Variants in AGBL1 observed in about 807,000 individuals in gnomAD.
AGBL1 encodes AGBL carboxypeptidase 1.
A neutral mutation model predicts 118.9 loss-of-function variants in AGBL1; 130 were observed. The ratio of observed to expected loss-of-function variants is 1.09; its 90% confidence interval spans 0.95 to 1.26. The LOEUF is 1.26. Among genes scored for constraint, AGBL1 ranks in the 50% most tolerant of loss-of-function variants. The pLI is 0.00. For synonymous variants in AGBL1, 555 were observed against 478.9 expected (o/e 1.16, Z -2.08); for missense variants, 1,584 against 1,298.1 (o/e 1.22, Z -3.38).
In AGBL1 at chr15:86,308,183, A is replaced by G. The variant is rs142038930; in HGVS notation, c.2374+12775A>G. Reference sequence around the variant, plus strand: ...TGAGTTACTCATTTTTCATTGCTCTATAACGAATTCCTATGTATGAATTTA... The same window carrying G: ...TGAGTTACTCATTTTTCATTGCTCTGTAACGAATTCCTATGTATGAATTTA... On this transcript the variant is annotated intron_variant, in intron 17 of 22. Transcript: ENST00000614907. 5.1e-3 allele frequency among the ~76,000 whole-genome samples: 773 copies of G among 152,328 alleles called. 6 individuals are homozygous for G. The highest frequency in any genetic ancestry group is 0.018 in the African/African-American group (742 of 41,580).
chr15:86,264,097 T>G (rs2079033951), intron 10 of AGBL1, among the ~76,000 whole-genome samples, 161 bp from the exon 11 acceptor site: 1 of 152,180 alleles, frequency 6.6e-6, no homozygotes, highest in South Asian at 2.1e-4. Context: ...CTGTCATTTA[T>G]TTGACTCTTG....
chr15:86,216,253 T>A (rs551321067), intron 5 of AGBL1, among the ~76,000 whole-genome samples: 7 of 152,008 alleles, frequency 4.6e-5, no homozygotes, highest in Non-Finnish European at 8.8e-5. Flanking sequence ...TTTATTTATT[T>A]ATTCATTTAT....
chr15:86,283,617 CA>C (rs2079391383), intron 16 of AGBL1, among the ~76,000 whole-genome samples: 1 of 151,860 alleles, frequency 6.6e-6, no homozygotes, highest in African/African-American at 2.4e-5. Context: ...AAGAAGTGTC[CA>C]GTGGGAAATG....
chr15:86,865,636 T>A (rs527942859), intron 22 of AGBL1, among the ~76,000 whole-genome samples: 1 of 152,332 alleles, frequency 6.6e-6, no homozygotes, highest in South Asian at 2.1e-4. Context: ...GCAGAGCTAA[T>A]CGTTCCATTT....
At chr15:86,854,434 G>A (rs2079449669) in intron 22 of AGBL1, among the ~76,000 whole-genome samples, 1 of 152,112 alleles carries the variant, frequency 6.6e-6, no homozygotes, top group African/African-American at 2.4e-5. Flanking sequence ...TCCTTAATTA[G>A]CACTCTGATG....
At chr15:86,762,080 A>T (rs2078033550) in intron 22 of AGBL1, among the ~76,000 whole-genome samples, 1 of 152,074 alleles carries the variant, frequency 6.6e-6, no homozygotes, top group Non-Finnish European at 1.5e-5. Flanking sequence ...GACATGGATG[A>T]AGCTGGAAGC....
At chr15:86,942,524 G>A (rs2080766198) in intron 23 of AGBL1, among the ~76,000 whole-genome samples, 1 of 152,094 alleles carries the variant, frequency 6.6e-6, no homozygotes, top group Admixed American at 6.5e-5. Flanking sequence ...TCAGTTCCAG[G>A]AACCAGCAAC....
intron 23 of AGBL1, among the ~76,000 whole-genome samples, chr15:86,929,028 C>T (rs2080577018): frequency 6.6e-6 from 1 of 151,926 alleles, no homozygotes; most frequent in Non-Finnish European, 1.5e-5. Context: ...TTTTCAAACT[C>T]CCTGTCTCTC....
chr15:86,813,186 G>A (rs534034951), intron 22 of AGBL1, among the ~76,000 whole-genome samples: 10 of 119,606 alleles, frequency 8.4e-5, no homozygotes, highest in African/African-American at 2.4e-4. Flanking sequence ...GTAATGATGG[G>A]TCACACCTTT....
chr15:86,337,999 G>C (rs890813224), intron 17 of AGBL1, among the ~76,000 whole-genome samples: 1 of 152,092 alleles, frequency 6.6e-6, no homozygotes, highest in African/African-American at 2.4e-5. Context: ...CGGTGAGTAG[G>C]AAGCAAAAAA....
intron 18 of AGBL1, among the ~76,000 whole-genome samples, chr15:86,420,509 A>G (rs1239504455): frequency 6.6e-6 from 1 of 152,214 alleles, no homozygotes; most frequent in East Asian, 1.9e-4. Context: ...AAAGATGAGG[A>G]AAAATGTCCA....
In AGBL1 at chr15:86,248,029, C is replaced by T. The variant is rs971279002; in HGVS notation, c.735+150C>T. 3.6e-6 allele frequency: 4 copies of T among 1,115,018 alleles called. No individual in the cohort carries two copies. In the African/African-American group the frequency reaches 6.2e-5, roughly 17 times the overall value. The allele number at this position is 1,115,018 out of a possible 1,614,324, so 69.1% of individuals were successfully genotyped here. Reference sequence around the variant, plus strand: ...GGCGGATGTTCTGGATTTAAGGCTTCATTCCAGGCCAGGCCCGGTGGTTCA... The same window carrying T: ...GGCGGATGTTCTGGATTTAAGGCTTTATTCCAGGCCAGGCCCGGTGGTTCA... On this transcript the variant is annotated intron_variant, in intron 7 of 22. Transcript: ENST00000614907.
chr15:86,628,936 C>T (rs775492613), intron 21 of AGBL1, among the ~76,000 whole-genome samples: 12 of 152,110 alleles, frequency 7.9e-5, no homozygotes, highest in Non-Finnish European at 1.5e-4. Context: ...AGAGTCATCA[C>T]AATCAAGCTA....
intron 6 of AGBL1, among the ~76,000 whole-genome samples, chr15:86,246,629 C>T (rs1020278299): frequency 2.0e-5 from 3 of 152,078 alleles, no homozygotes; most frequent in Admixed American, 6.6e-5. Flanking sequence ...CAAACAACCA[C>T]GTGGGAAGGG....
At position 86,975,363 on chromosome 15, in the gene AGBL1, T is replaced by G. The variant is rs146333767; in HGVS notation, c.3222-12624T>G. Among the ~76,000 whole-genome samples, 20 of 151,758 alleles carry G rather than the reference T, an allele frequency of 1.3e-4. No homozygotes were observed. The East Asian group carries it at 3.9e-3, about 30-fold the overall frequency. On this transcript the variant is annotated intron_variant, in intron 23 of 24. Transcript: ENST00000441037. Reference sequence around the variant, plus strand: ...AATTCCCCTTTATACAAAAATCAGATCTCATGAGACTTATTCACCATCACC... The same window carrying G: ...AATTCCCCTTTATACAAAAATCAGAGCTCATGAGACTTATTCACCATCACC...
chr15:86,109,499 T>A (rs1043814586), intron 1 of AGBL1, among the ~76,000 whole-genome samples: 4 of 152,230 alleles, frequency 2.6e-5, no homozygotes, highest in African/African-American at 9.6e-5. Context: ...TTTTATATAA[T>A]ACCATTTTCT....
At chr15:86,565,667 G>A (rs987167986) in intron 21 of AGBL1, among the ~76,000 whole-genome samples, 1 of 152,250 alleles carries the variant, frequency 6.6e-6, no homozygotes, top group African/African-American at 2.4e-5. Context: ...CTGTCAGACA[G>A]GGACATTTAA....
intron 22 of AGBL1, among the ~76,000 whole-genome samples, chr15:86,769,408 C>G (rs754199424): frequency 3.9e-5 from 6 of 151,914 alleles, no homozygotes; most frequent in Non-Finnish European, 7.4e-5. Flanking sequence ...CTATAAATGC[C>G]TTTGCTCAGA....
At chr15:86,201,855 C>T (rs755482198) in intron 5 of AGBL1, among the ~76,000 whole-genome samples, 18 of 152,162 alleles carry the variant, frequency 1.2e-4, no homozygotes, top group Non-Finnish European at 2.1e-4. Context: ...TTAGAAGTTC[C>T]TTCTCTTTAA....
Sources: allele counts gnomAD v4.1 joint callset (sites outside exome capture counted in the v4.1 genomes callset), GRCh38; gene constraint gnomAD v4.1.1; transcripts MANE v1.5; gene names NCBI Gene and HGNC (gene_info 2026-07-23, HGNC 2026-07-21).